FRMD4A: variants seen among roughly 807,000 people sequenced by gnomAD.
FRMD4A encodes the protein FERM domain containing 4A.
In FRMD4A, 29 loss-of-function variants were observed where a neutral mutation model predicts 129.1. The observed-to-expected ratio is 0.22, with a 90% CI of 0.17 to 0.31. The LOEUF (loss-of-function observed/expected upper bound fraction) is 0.31, where lower values mean the gene tolerates loss of function less well. Ranked by LOEUF, FRMD4A falls within the 10% of genes least tolerant of loss-of-function variation. FRMD4A has a pLI of 1.00. For synonymous variants in FRMD4A, 634 were observed against 571.6 expected (o/e 1.11, Z -1.56); for missense variants, 1,272 against 1,375.8 (o/e 0.92, Z 1.19).
At chr10:14,319,276 C>T (rs1846874961) in intron 2 of FRMD4A, among the ~76,000 whole-genome samples, 1 of 151,648 alleles carries the variant, frequency 6.6e-6, no homozygotes, top group African/African-American at 2.4e-5. Flanking sequence ...TAACAAAATA[C>T]TGAATTTTGT....
chr10:14,327,135 ACT>A (rs932294588), intron 2 of FRMD4A, among the ~76,000 whole-genome samples: 2 of 152,204 alleles, frequency 1.3e-5, no homozygotes, highest in Non-Finnish European at 2.9e-5. Flanking sequence ...CCTCTGAGAC[ACT>A]GTTCAAAAGT....
chr10:13,900,368 T>A (rs1462731879), intron 2 of FRMD4A, among the ~76,000 whole-genome samples: 1 of 152,154 alleles, frequency 6.6e-6, no homozygotes, highest in Non-Finnish European at 1.5e-5. Context: ...TGGCTGGGAA[T>A]CATGATTTAG....
At chr10:14,120,118 T>A (rs563617182) in intron 2 of FRMD4A, among the ~76,000 whole-genome samples, 1 of 151,568 alleles carries the variant, frequency 6.6e-6, no homozygotes, top group East Asian at 2.0e-4. Context: ...TCCTTCCATC[T>A]CCCAGGAGAT....
intron 18 of FRMD4A, 69 bp downstream of exon 18, chr10:13,666,025 CGTG>C (rs1197854223): frequency 4.7e-6 from 4 of 851,340 alleles, no homozygotes; most frequent in Non-Finnish European, 8.1e-6. Flanking sequence ...AGGGACCACT[CGTG>C]GGACCTGGCG....
intron 2 of FRMD4A, among the ~76,000 whole-genome samples, chr10:13,999,603 C>G (rs1426050466): frequency 3.9e-5 from 6 of 152,218 alleles, no homozygotes; most frequent in Non-Finnish European, 7.3e-5. Flanking sequence ...GCCAGTCAGG[C>G]TTGGAAGCCT....
chr10:13,685,163 T>C (rs1433294885), intron 15 of FRMD4A: 2 of 984,996 alleles, frequency 2.0e-6, no homozygotes, highest in East Asian at 1.1e-4. Flanking sequence ...AAAAAATGCA[T>C]GCTTGGAGAA....
intron 2 of FRMD4A, among the ~76,000 whole-genome samples, chr10:14,276,871 G>GTATT (rs1295880589): frequency 1.3e-5 from 2 of 152,014 alleles, no homozygotes; most frequent in Non-Finnish European, 1.5e-5. Flanking sequence ...TGTTATTTAA[G>GTATT]TATTTATTTA....
At chr10:14,041,253 T>G (rs1446709745) in intron 2 of FRMD4A, among the ~76,000 whole-genome samples, 2 of 152,202 alleles carry the variant, frequency 1.3e-5, no homozygotes, top group Non-Finnish European at 2.9e-5. Flanking sequence ...GTGCCTCAAA[T>G]TCTTCTGAGC....
intron 2 of FRMD4A, among the ~76,000 whole-genome samples, chr10:14,265,966 A>G (rs1182786700): frequency 1.3e-5 from 2 of 152,202 alleles, no homozygotes; most frequent in East Asian, 3.9e-4. Flanking sequence ...ACATAGAGTC[A>G]TGAAGAATGA....
chr10:14,135,311 C>T (rs772955024), intron 2 of FRMD4A, among the ~76,000 whole-genome samples: 2 of 152,168 alleles, frequency 1.3e-5, no homozygotes, highest in Non-Finnish European at 2.9e-5. Context: ...GAGTCTTGAC[C>T]AATCCCAGCA....
intron 6 of FRMD4A, among the ~76,000 whole-genome samples, chr10:13,763,469 A>G (rs1425543846): frequency 6.6e-6 from 1 of 152,172 alleles, no homozygotes; most frequent in Non-Finnish European, 1.5e-5. Flanking sequence ...CAGTGTCGCT[A>G]GTGACTACCG....
chr10:13,875,217 G>T (rs181719353), intron 2 of FRMD4A, among the ~76,000 whole-genome samples: 1 of 152,206 alleles, frequency 6.6e-6, no homozygotes, highest in East Asian at 1.9e-4. Context: ...GGAGCTAATC[G>T]TCTGAGTGAG....
chr10:13,803,148 CAA>C (rs5783350), intron 4 of FRMD4A, among the ~76,000 whole-genome samples: 5 of 128,516 alleles, frequency 3.9e-5, no homozygotes, highest in Non-Finnish European at 3.2e-5. Flanking sequence ...GATTCCATCT[CAA>C]AAAAAAAAAA....
At chr10:14,310,031 G>T (rs1036447016) in intron 2 of FRMD4A, among the ~76,000 whole-genome samples, 2 of 151,990 alleles carry the variant, frequency 1.3e-5, no homozygotes, top group East Asian at 3.9e-4. Flanking sequence ...CAGTGCTGGG[G>T]TGCTGCTCTC....
chr10:14,134,623 A>G (rs72776699), intron 2 of FRMD4A, among the ~76,000 whole-genome samples: 23,911 of 150,992 alleles, frequency 0.16, 2,114 homozygotes, highest in Non-Finnish European at 0.2. Context: ...TGAGGGATGG[A>G]TGAATGGGTG....
At chr10:14,228,552 T>C (rs1293462834) in intron 2 of FRMD4A, among the ~76,000 whole-genome samples, 1 of 152,186 alleles carries the variant, frequency 6.6e-6, no homozygotes, top group Non-Finnish European at 1.5e-5. Flanking sequence ...CAGAATGAAG[T>C]TTATTTGAGA....
At chr10:14,210,540 A>G (rs1842907019) in intron 2 of FRMD4A, among the ~76,000 whole-genome samples, 1 of 152,088 alleles carries the variant, frequency 6.6e-6, no homozygotes, top group African/African-American at 2.4e-5. Flanking sequence ...CTCAAACTCA[A>G]CCACACAGCA....
rs754274569 is a variant in FRMD4A at position 13,707,022 on chromosome 10, A to T, written c.836+15T>A. 7.0e-7 allele frequency: 1 copy of T among 1,420,082 alleles called. No homozygotes were observed. Among genetic ancestry groups the T allele is most frequent in the Non-Finnish European group, 1.0e-6 (1 of 1,002,956 alleles). The allele number at this position is 1,420,082 out of a possible 1,614,324, so 88.0% of individuals were successfully genotyped here. On this transcript the variant is annotated intron_variant, in intron 13 of 24. Coordinates refer to ENST00000357447, the MANE Select transcript of FRMD4A (RefSeq NM_018027.5). ...AGCCACGCCATCCCGCAAGAAAAGG[A>T]CTTTTCAAGCTTACCTGCGTGGGTC... is the stretch of plus-strand genomic sequence containing the variant.
chr10:14,141,572 C>T (rs939308947), intron 2 of FRMD4A, among the ~76,000 whole-genome samples: 3 of 92,454 alleles, frequency 3.2e-5, no homozygotes, highest in Non-Finnish European at 7.0e-5. Flanking sequence ...TGCCCCTAAC[C>T]CCTTCTCTAC....
Sources: gnomAD v4.1 joint callset for allele counts (sites outside exome capture counted in the v4.1 genomes callset) on GRCh38, gnomAD v4.1.1 for gene constraint, MANE v1.5 for transcripts, NCBI Gene and HGNC (gene_info 2026-07-23, HGNC 2026-07-21) for gene names.